ABCC3: variants seen among roughly 807,000 people sequenced by gnomAD.
ABCC3 encodes ATP-binding cassette sub-family C member 3.
Under a neutral mutation model 165.3 loss-of-function variants are expected in ABCC3, and 121 were observed. That is an observed-to-expected ratio of 0.73 (90% CI 0.63 to 0.85). ABCC3 has a LOEUF of 0.85. Among genes scored for constraint, ABCC3 ranks in the 40% least tolerant of loss-of-function variants. The probability of loss-of-function intolerance (pLI) is 0.00; values close to 1 mark genes in which losing one functional copy is unlikely to be tolerated. For missense variants in ABCC3, 1,869 were observed against 1,964.1 expected (o/e 0.95, Z 0.92); for synonymous variants, 733 against 810.1 (o/e 0.90, Z 1.62).
In ABCC3 at chr17:50,675,403, G is replaced by C; in HGVS notation, c.2641G>C (p.Asp881His). The C allele has an allele frequency of 6.2e-7, 1 of 1,614,040 alleles. No individual in the cohort carries two copies. Among genetic ancestry groups the C allele is most frequent in the Non-Finnish European group, 8.5e-7 (1 of 1,179,968 alleles). The stretch of plus-strand genomic sequence containing the variant: ...GGATAAGGAGGCACTGCTGATTGAA[G>C]ACACACTCAGCAACCACACGGATCT... ...AEDKEALLIE[D>H]TLSNHTDLTD... The change falls in exon 20 of 31, where the codon GAC (aspartate) becomes CAC (histidine). Residue 881 changes from aspartate to histidine, a missense_variant. Physicochemically the swap from Asp to His is moderately conservative, Grantham distance 81. Coordinates refer to ENST00000285238, the MANE Select transcript of ABCC3 (RefSeq NM_003786.4).
In ABCC3 at chr17:50,667,764, C is replaced by T; in HGVS notation, c.1635+7C>T. On this transcript the variant is annotated splice_region_variant and intron_variant, in intron 12 of 30. Transcript: ENST00000285238. ...GATGTGCAGCCCCTTCCTGGTGAGG[C>T]TTGGCACAGGGCTGGGTCCCTGCCT... 1 of 1,614,094 alleles carries T rather than the reference C, an allele frequency of 6.2e-7. No individual in the cohort carries two copies. Among genetic ancestry groups the T allele is most frequent in the Non-Finnish European group, 8.5e-7 (1 of 1,180,022 alleles).
At chr17:50,656,442 A>G (rs887934156) in intron 2 of ABCC3, among the ~76,000 whole-genome samples, 1 of 152,178 alleles carries the variant, frequency 6.6e-6, no homozygotes, top group Non-Finnish European at 1.5e-5. Flanking sequence ...GTCTCACCTG[A>G]CCTGCTTGGG....
Position 50,667,595 on chromosome 17 carries a change from G to A in ABCC3, c.1473G>A (p.Met491Ile). 3.1e-6 allele frequency: 5 copies of A among 1,613,214 alleles called. No homozygotes were observed. In the Middle Eastern group the frequency reaches 5.0e-4, roughly 160 times the overall value. ...MKLKDSRIKL[M>I]SEILNGIKVL... ...TGAAGGACTCGCGCATCAAGCTGATGAGTGAGATCCTGAACGGCATCAAGG... is the reference window on the plus strand; with the variant it reads ...TGAAGGACTCGCGCATCAAGCTGATAAGTGAGATCCTGAACGGCATCAAGG... The change falls in exon 12 of 31, where the codon ATG becomes ATA. Residue 491 changes from methionine (M) to isoleucine (I), a missense_variant. Coordinates refer to ENST00000285238, the MANE Select transcript of ABCC3 (RefSeq NM_003786.4).
At chr17:50,650,392 C>T (rs1250127647) in intron 1 of ABCC3, among the ~76,000 whole-genome samples, 1 of 152,236 alleles carries the variant, frequency 6.6e-6, no homozygotes, top group African/African-American at 2.4e-5. Context: ...CAGGCGTGAG[C>T]CACTGCACCC....
At chr17:50,654,720 C>T (rs73344374) in intron 1 of ABCC3, among the ~76,000 whole-genome samples, 1,556 of 152,238 alleles carry the variant, frequency 0.01, 21 homozygotes, top group African/African-American at 0.035. Flanking sequence ...CTATCCCTGA[C>T]CCGGGAAAGG....
intron 17 of ABCC3, among the ~76,000 whole-genome samples, chr17:50,672,105 T>G (rs912813622): frequency 6.6e-6 from 1 of 152,152 alleles, no homozygotes; most frequent in Non-Finnish European, 1.5e-5. Flanking sequence ...AATCCATAAA[T>G]GGATCAACCA....
chr17:50,672,478 AC>A (rs1967670342), intron 17 of ABCC3, among the ~76,000 whole-genome samples: 1 of 152,178 alleles, frequency 6.6e-6, no homozygotes, highest in Non-Finnish European at 1.5e-5. Context: ...GAATGGCCTC[AC>A]CTGCCCCAGG....
In ABCC3 at chr17:50,657,028, C is replaced by T; in HGVS notation, c.349-18C>T. ...GATGTGTGTGTTCTGCCCGGGCCTC[C>T]CTGCCCTCCCTGCACAGCTGCTGGC... is the stretch of plus-strand genomic sequence containing the variant. On this transcript the variant is annotated intron_variant, in intron 3 of 30. Coordinates refer to ENST00000285238, the MANE Select transcript of ABCC3 (RefSeq NM_003786.4). 3 of 1,610,510 alleles carry T rather than the reference C, an allele frequency of 1.9e-6. No homozygotes were observed. The highest frequency in any genetic ancestry group is 1.7e-5 in the Admixed American group (1 of 59,444).
Position 50,669,530 on chromosome 17 carries a change from T to A in ABCC3, c.2241+2T>A, listed in dbSNP as rs1424766291. On this transcript the variant is annotated splice_donor_variant, in intron 17 of 30. Coordinates refer to ENST00000285238, the MANE Select transcript of ABCC3 (RefSeq NM_003786.4). LOFTEE classifies it high-confidence loss of function. Reference sequence around the variant, plus strand: ...GATCAGACAGAGATTGGAGAGAAGGTACAGAGTCCTCTTCCATCCCTAAGA... The same window carrying A: ...GATCAGACAGAGATTGGAGAGAAGGAACAGAGTCCTCTTCCATCCCTAAGA... The A allele has an allele frequency of 1.7e-5, 27 of 1,613,744 alleles. No homozygotes were observed. The highest frequency in any genetic ancestry group is 1.9e-5 in the Non-Finnish European group (23 of 1,179,770).
chr17:50,637,266 C>G (rs1001813532), intron 1 of ABCC3, among the ~76,000 whole-genome samples: 1 of 152,144 alleles, frequency 6.6e-6, no homozygotes, highest in South Asian at 2.1e-4. Context: ...GGGGAAGGAG[C>G]GTGGAGAGAG....
At chr17:50,687,972 T>A (rs1968054511) in intron 30 of ABCC3, among the ~76,000 whole-genome samples, 2 of 151,810 alleles carry the variant, frequency 1.3e-5, no homozygotes, top group African/African-American at 4.8e-5. Context: ...TTTTTTTTTT[T>A]GAGACAGAGT....
At chr17:50,687,945 TTTCTTC>T (rs376101900) in intron 30 of ABCC3, among the ~76,000 whole-genome samples, 4 of 151,734 alleles carry the variant, frequency 2.6e-5, no homozygotes, top group South Asian at 2.1e-4. Context: ...CATTTTCATT[TTTCTTC>T]TTCTTCTTCT....
At chr17:50,666,746 C>T (rs1302869589) in intron 11 of ABCC3, among the ~76,000 whole-genome samples, 5 of 152,214 alleles carry the variant, frequency 3.3e-5, no homozygotes, top group Non-Finnish European at 5.9e-5. Flanking sequence ...ATAGTAGGCA[C>T]TCCATAAATA....
intron 1 of ABCC3, among the ~76,000 whole-genome samples, chr17:50,648,942 C>CCAG (rs34582346): frequency 1.3e-5 from 2 of 151,322 alleles, no homozygotes; most frequent in Admixed American, 1.3e-4. Flanking sequence ...TGGCAAAACC[C>CCAG]CTCTACTAAA....
Position 50,675,972 on chromosome 17 carries a change from G to A in ABCC3, c.2949G>A (p.Ala983=), listed in dbSNP as rs778958237. The A allele has an allele frequency of 1.1e-5, 17 of 1,614,060 alleles. No individual in the cohort carries two copies. Among genetic ancestry groups the A allele is most frequent in the African/African-American group, 9.3e-5 (7 of 74,926 alleles). The change falls in exon 22 of 31, where the codon GCG becomes GCA. Residue 983 remains alanine (A), a synonymous_variant. Transcript: ENST00000285238. ...GTCTCCTGTATGTGGGTCAAAGTGC[G>A]GCTGCCATTGGAGCCAATGTGTGGC... ...AICLLYVGQS[A]AAIGANVWLS...
intron 20 of ABCC3, 38 bp from the exon 21 acceptor site, chr17:50,675,593 G>A (rs768150623): frequency 1.9e-6 from 3 of 1,560,242 alleles, no homozygotes; most frequent in Non-Finnish European, 2.6e-6. Context: ...GGGGGTGCTT[G>A]AGGCCCCCTC....
Position 50,683,246 on chromosome 17 carries a change from CTGT to C in ABCC3, c.3808-360_3808-358del, listed in dbSNP as rs76186183. Among the ~76,000 whole-genome samples, 1,847 of 151,134 alleles carry C rather than the reference CTGT, an allele frequency of 0.012. 104 individuals are homozygous for C. The East Asian group carries it at 0.18, about 15-fold the overall frequency. ...GTTAGCCAGGCATGGTGGCATGTGC[CTGT>C]TGTAGTCCTAGCTACTAGGGAGGCT... On this transcript the variant is annotated intron_variant, in intron 26 of 30. Coordinates refer to ENST00000285238, the MANE Select transcript of ABCC3 (RefSeq NM_003786.4).
intron 1 of ABCC3, among the ~76,000 whole-genome samples, chr17:50,638,960 G>A (rs960675136): frequency 2.6e-5 from 4 of 152,220 alleles, no homozygotes; most frequent in African/African-American, 7.2e-5. Context: ...GCATGATTAG[G>A]GCCCTTCAAA....
chr17:50,673,528 G>A lies in ABCC3; in HGVS notation c.2469G>A (p.Val823=), dbSNP rs1052393870. 1.2e-6 allele frequency: 2 copies of A among 1,614,080 alleles called. No individual in the cohort carries two copies. Among genetic ancestry groups the A allele is most frequent in the Non-Finnish European group, 1.7e-6 (2 of 1,180,040 alleles). Residue 823 remains valine (V), a synonymous_variant, in exon 19 of 31, where the codon GTG becomes GTA. Coordinates refer to ENST00000285238, the MANE Select transcript of ABCC3 (RefSeq NM_003786.4). The part of the protein sequence containing the change: ...SFLPQTDFII[V]LADGQVSEMG... ...TGCCCCAGACAGACTTCATCATTGT[G>A]CTAGCTGATGGACAGGTGTCTGAGA...
Sources: gnomAD v4.1 joint callset for allele counts (sites outside exome capture counted in the v4.1 genomes callset) on GRCh38, gnomAD v4.1.1 for gene constraint, MANE v1.5 for transcripts, NCBI Gene and HGNC (gene_info 2026-07-23, HGNC 2026-07-21) for gene names.